PADI3: variants seen among roughly 807,000 people sequenced by gnomAD.
PADI3 encodes the protein protein-arginine deiminase type-3.
In PADI3, 53 loss-of-function variants were observed where a neutral mutation model predicts 71.5. The ratio of observed to expected loss-of-function variants is 0.74; its 90% CI spans 0.59 to 0.93. The LOEUF (loss-of-function observed/expected upper bound fraction) is 0.93, where lower values mean the gene tolerates loss of function less well. Among genes scored for constraint, PADI3 ranks in the 40% least tolerant of loss-of-function variants. The pLI is 0.00. For missense variants in PADI3, 821 were observed against 868.0 expected, an observed-to-expected ratio of 0.95 and a Z score of 0.68; for synonymous variants, 361 against 347.5, an observed-to-expected ratio of 1.04 and a Z score of -0.43.
Position 17,282,889 on chromosome 1 carries a change from C to G in PADI3, c.1805C>G (p.Pro602Arg), listed in dbSNP as rs1287059973. Residue 602 changes from proline (P) to arginine (R), a missense_variant, in exon 16 of 16, where the codon CCC becomes CGC. Pro to Arg is a moderately radical substitution (Grantham distance 103). Coordinates refer to ENST00000375460, the MANE Select transcript of PADI3 (RefSeq NM_016233.2). ...GGGAAGCACCTGGGCATCCCCAAGCCCTTTGGGCCCATCATCAATGGCTGC... is the reference window on the plus strand; with the variant it reads ...GGGAAGCACCTGGGCATCCCCAAGCGCTTTGGGCCCATCATCAATGGCTGC... ...VLGKHLGIPKPFGPIINGCCC... is the reference protein window; with the variant it reads ...VLGKHLGIPKRFGPIINGCCC... The G allele has an allele frequency of 1.2e-6, 2 of 1,613,980 alleles. No individual in the cohort carries two copies. Among genetic ancestry groups the G allele is most frequent in the Non-Finnish European group, 1.7e-6 (2 of 1,179,966 alleles).
At chr1:17,262,051 C>G in intron 2 of PADI3, 82 bp from the exon 3 acceptor site, 1 of 1,278,034 alleles carries the variant, frequency 7.8e-7, no homozygotes, top group South Asian at 1.2e-5. Context: ...CCCTCCCCTC[C>G]TTACCAGATC....
In PADI3 at chr1:17,283,094, A is replaced by G; in HGVS notation, c.*15A>G. 2 of 1,601,410 alleles carry G rather than the reference A, an allele frequency of 1.2e-6. No individual in the cohort carries two copies. Among genetic ancestry groups the G allele is most frequent in the South Asian group, 2.2e-5 (2 of 90,656 alleles). Reference sequence around the variant, plus strand: ...TGGTGCCCTGAGACAGCTCCCACCCACCATCCTGTCCCCCTGGGGCGGGCA... The same window carrying G: ...TGGTGCCCTGAGACAGCTCCCACCCGCCATCCTGTCCCCCTGGGGCGGGCA... On this transcript the variant is annotated 3_prime_UTR_variant, in exon 16 of 16. Transcript: ENST00000375460.
At chr1:17,276,948 G>C in intron 13 of PADI3, 72 bp downstream of exon 13, 1 of 1,317,790 alleles carries the variant, frequency 7.6e-7, no homozygotes, top group Middle Eastern at 2.6e-4. Context: ...ATCATGGCTT[G>C]AGAGGGGGAG....
intron 5 of PADI3, among the ~76,000 whole-genome samples, chr1:17,267,452 T>C (rs1004356856): frequency 6.6e-6 from 1 of 152,116 alleles, no homozygotes; most frequent in Non-Finnish European, 1.5e-5. Flanking sequence ...GTGGGCACCA[T>C]TGGACATGGG....
intron 1 of PADI3, among the ~76,000 whole-genome samples, chr1:17,253,923 A>G (rs553122467): frequency 2.0e-5 from 3 of 152,052 alleles, no homozygotes; most frequent in African/African-American, 7.2e-5. Flanking sequence ...TTCAATTTCC[A>G]CTCATGGAGG....
intron 1 of PADI3, among the ~76,000 whole-genome samples, chr1:17,250,580 A>G (rs2072954401): frequency 6.6e-6 from 1 of 152,188 alleles, no homozygotes. Context: ...GAGCAGAGCC[A>G]GCCCAGGAAA....
intron 6 of PADI3, among the ~76,000 whole-genome samples, chr1:17,269,052 A>ATT (rs71575823): frequency 4.7e-4 from 69 of 145,434 alleles, no homozygotes; most frequent in Non-Finnish European, 8.8e-4. Flanking sequence ...CACCCTGCTA[A>ATT]TTTTTTTTTT....
chr1:17,254,599 G>A (rs1278901030), intron 1 of PADI3, among the ~76,000 whole-genome samples: 2 of 152,080 alleles, frequency 1.3e-5, no homozygotes, highest in African/African-American at 4.8e-5. Context: ...GTGGCTGTGG[G>A]GGATACCTTC....
chr1:17,256,495 C>T (rs570264409), intron 1 of PADI3, among the ~76,000 whole-genome samples: 4 of 152,206 alleles, frequency 2.6e-5, no homozygotes, highest in Non-Finnish European at 5.9e-5. Context: ...TTGTTCAGAC[C>T]GTGGTCCTGG....
chr1:17,280,328 C>A (rs1462447968), intron 13 of PADI3, 22 bp from the exon 14 acceptor site: 2 of 1,604,522 alleles, frequency 1.2e-6, no homozygotes, highest in Non-Finnish European at 1.7e-6. Context: ...CTGTCCTTCT[C>A]TTTCATCTCT....
chr1:17,282,995 C>A lies in PADI3; in HGVS notation c.1911C>A (p.Tyr637Ter), dbSNP rs752262811. ...HCTFIDDFTP[Y>*]HMLHGEVHCG... ...CCTTCATTGATGACTTCACTCCATA[C>A]CACATGCTGCATGGGGAGGTGCACT... is the stretch of plus-strand genomic sequence containing the variant. Residue 637 changes from tyrosine to a stop codon, truncating the protein, a stop_gained, in exon 16 of 16, where the codon TAC becomes TAA. Coordinates refer to ENST00000375460, the MANE Select transcript of PADI3 (RefSeq NM_016233.2). LOFTEE classifies it high-confidence loss of function. The A allele has an allele frequency of 1.9e-6, 3 of 1,614,100 alleles. No individual in the cohort carries two copies. In the African/African-American group the frequency reaches 4.0e-5, roughly 22 times the overall value.
intron 11 of PADI3, among the ~76,000 whole-genome samples, chr1:17,275,934 T>C (rs1461639258): frequency 6.6e-6 from 1 of 152,138 alleles, no homozygotes; most frequent in Non-Finnish European, 1.5e-5. Context: ...GTGAGGGTGG[T>C]TCTGAAGATT....
intron 6 of PADI3, among the ~76,000 whole-genome samples, chr1:17,269,628 G>T (rs1050972158): frequency 4.6e-5 from 7 of 151,544 alleles, no homozygotes; most frequent in East Asian, 1.9e-4. Flanking sequence ...GTTGGTTTTG[G>T]TTTTTTTTGA....
chr1:17,277,726 G>A (rs1443914060), intron 13 of PADI3, among the ~76,000 whole-genome samples: 1 of 152,254 alleles, frequency 6.6e-6, no homozygotes, highest in African/African-American at 2.4e-5. Flanking sequence ...CCTGGGCATG[G>A]GGAGGGCTGG....
chr1:17,268,105 A>G, intron 6 of PADI3, 143 bp downstream of exon 6: 1 of 902,100 alleles, frequency 1.1e-6, no homozygotes, highest in East Asian at 2.5e-5. Flanking sequence ...TCGCAGTAAG[A>G]ACAGTCAGAA....
At position 17,274,723 on chromosome 1, in the gene PADI3, C is replaced by T; in HGVS notation, c.1244C>T (p.Pro415Leu). Residue 415 changes from proline (P) to leucine (L), a missense_variant, in exon 11 of 16, where the codon CCA becomes CTA. Transcript: ENST00000375460. ...TTTGGGAACCTGGAGGTCAGCCCTC[C>T]AGTGGTGGCCAATGGGAAAGAGTAC... ...DSFGNLEVSPPVVANGKEYPL... is the reference protein window; with the variant it reads ...DSFGNLEVSPLVVANGKEYPL... The T allele has an allele frequency of 6.2e-7, 1 of 1,613,818 alleles. No individual in the cohort carries two copies.
rs2073436826 is a variant in PADI3, at chr1:17,283,937, T to C, written c.*858T>C. On this transcript the variant is annotated 3_prime_UTR_variant, in exon 16 of 16. Coordinates refer to ENST00000375460, the MANE Select transcript of PADI3 (RefSeq NM_016233.2). ...TAGGTGTCTGGAGAAGGTTGCTTCA[T>C]TGGCCCTGGGACTTCTCTCTGCAGG... The C allele has an allele frequency of 6.6e-6, 1 of 152,248 alleles. No individual in the cohort carries two copies. Among genetic ancestry groups the C allele is most frequent in the Non-Finnish European group, 1.5e-5 (1 of 68,100 alleles). 9.4% of individuals were successfully genotyped at this position (152,248 alleles called of 1,614,324 possible). A position where few individuals can be genotyped will look rare whatever the true frequency, so the allele number is the denominator to read the frequency against.
intron 1 of PADI3, among the ~76,000 whole-genome samples, chr1:17,255,919 G>A (rs1049877459): frequency 1.3e-5 from 2 of 152,148 alleles, no homozygotes; most frequent in African/African-American, 4.8e-5. Context: ...CTGGCCCCAG[G>A]GACCACAGGC....
At chr1:17,274,880 G>C in intron 11 of PADI3, 94 bp downstream of exon 11, 1 of 1,285,464 alleles carries the variant, frequency 7.8e-7, no homozygotes, top group South Asian at 1.4e-5. Flanking sequence ...ACTCCTTGAA[G>C]AGAGCCAGAA....
Sources: gnomAD v4.1 joint callset for allele counts (sites outside exome capture counted in the v4.1 genomes callset) on GRCh38, gnomAD v4.1.1 for gene constraint, MANE v1.5 for transcripts, NCBI Gene and HGNC (gene_info 2026-07-23, HGNC 2026-07-21) for gene names.